RALYL: variants seen among roughly 807,000 people sequenced by gnomAD.
RALYL encodes the protein RNA-binding Raly-like protein.
RALYL carries 29 observed loss-of-function variants against 35.1 expected under a neutral mutation model. That is an observed-to-expected ratio of 0.83 (90% CI 0.61 to 1.13). The LOEUF is 1.13. Ranked by LOEUF, RALYL falls within the 50% of genes most tolerant of loss-of-function variation. The pLI is 0.00. For synonymous variants in RALYL, 120 were observed against 127.6 expected, an observed-to-expected ratio of 0.94 and a Z score of 0.40; for missense variants, 359 against 360.4, an observed-to-expected ratio of 1.00 and a Z score of 0.03.
At chr8:84,239,668 G>T (rs1043988472) in intron 1 of RALYL, among the ~76,000 whole-genome samples, 3 of 152,058 alleles carry the variant, frequency 2.0e-5, no homozygotes, top group Non-Finnish European at 4.4e-5. Flanking sequence ...AGGCGGGCAG[G>T]TCATCTGAGA....
intron 2 of RALYL, among the ~76,000 whole-genome samples, chr8:84,627,816 C>T (rs1436975745): frequency 1.3e-5 from 2 of 151,958 alleles, no homozygotes; most frequent in African/African-American, 4.8e-5. Context: ...CCGTCTGTTT[C>T]CTCTCTCTTC....
chr8:84,430,161 A>C (rs11984749), intron 1 of RALYL, among the ~76,000 whole-genome samples: 46,383 of 151,938 alleles, frequency 0.31, 8,427 homozygotes, highest in South Asian at 0.52. Context: ...TCATATATTA[A>C]ATATATTGGT....
Position 84,862,392 on chromosome 8 carries a change from A to G in RALYL, c.510A>G (p.Lys170=). 1 of 1,607,750 alleles carries G rather than the reference A, an allele frequency of 6.2e-7. No homozygotes were observed. Among genetic ancestry groups the G allele is most frequent in the Non-Finnish European group, 8.5e-7 (1 of 1,177,382 alleles). ...RVAVTTTRRG[K]GVFSMKGGSR... The stretch of plus-strand genomic sequence containing the variant: ...CAGTCACAACGACTCGCAGGGGGAA[A>G]GGAGTCTTTTCCATGAAAGGTGGAT... Residue 170 remains lysine (K), a synonymous_variant, in exon 6 of 9, where the codon AAA becomes AAG. Transcript: ENST00000521268.
chr8:84,530,370 C>T (rs1272270332), intron 2 of RALYL, among the ~76,000 whole-genome samples: 2 of 151,830 alleles, frequency 1.3e-5, no homozygotes, highest in African/African-American at 2.4e-5. Flanking sequence ...CATGGATACT[C>T]AAAAGGCATT....
At chr8:84,199,066 T>C (rs1358822866) in intron 1 of RALYL, among the ~76,000 whole-genome samples, 8 of 152,128 alleles carry the variant, frequency 5.3e-5, no homozygotes, top group Admixed American at 5.2e-4. Context: ...TTGAGGAACC[T>C]CCAAACCGTT....
chr8:84,675,773 C>G (rs532780148), intron 2 of RALYL, among the ~76,000 whole-genome samples: 3 of 152,066 alleles, frequency 2.0e-5, no homozygotes, highest in African/African-American at 7.2e-5. Flanking sequence ...GACGTTAGAT[C>G]GTCTTCTCCA....
chr8:84,882,880 A>AT (rs1409122371), intron 7 of RALYL, among the ~76,000 whole-genome samples: 1 of 152,098 alleles, frequency 6.6e-6, no homozygotes, highest in African/African-American at 2.4e-5. Context: ...ATAATTATTC[A>AT]TAAAAAAAGA....
intron 2 of RALYL, among the ~76,000 whole-genome samples, chr8:84,582,874 C>G (rs912033454): frequency 6.9e-6 from 1 of 144,036 alleles, no homozygotes; most frequent in Non-Finnish European, 1.6e-5. Flanking sequence ...TATGTCTCAT[C>G]ATAATGACCA....
At chr8:84,505,778 G>C (rs2057118813) in intron 1 of RALYL, among the ~76,000 whole-genome samples, 1 of 152,096 alleles carries the variant, frequency 6.6e-6, no homozygotes, top group African/African-American at 2.4e-5. Context: ...TAGCATGCTA[G>C]AAGTTAGAAT....
At chr8:84,848,309 A>G (rs1835070881) in intron 4 of RALYL, among the ~76,000 whole-genome samples, 1 of 152,054 alleles carries the variant, frequency 6.6e-6, no homozygotes, top group Admixed American at 6.6e-5. Flanking sequence ...ATACATATAT[A>G]TCTATAGGGG....
chr8:84,652,014 A>G lies in RALYL; in HGVS notation c.256+122437A>G, dbSNP rs150803799. Among the ~76,000 whole-genome samples, 610 of 152,184 alleles carry G rather than the reference A, an allele frequency of 4.0e-3. 6 individuals are homozygous for G. Among genetic ancestry groups the G allele is most frequent in the African/African-American group, 0.013 (556 of 41,560 alleles). On this transcript the variant is annotated intron_variant, in intron 2 of 8. Coordinates refer to ENST00000521268, the MANE Select transcript of RALYL (RefSeq NM_173848.7). ...AATCCTCACATTTTTATTTGACATGAAAATTGAACATATTATTAAATCCAA... is the reference window on the plus strand; with the variant it reads ...AATCCTCACATTTTTATTTGACATGGAAATTGAACATATTATTAAATCCAA...
chr8:84,238,656 G>T (rs1157091952), intron 1 of RALYL, among the ~76,000 whole-genome samples: 1 of 152,126 alleles, frequency 6.6e-6, no homozygotes, highest in Non-Finnish European at 1.5e-5. Flanking sequence ...AGAAGCAAGG[G>T]GGAAGATAGG....
intron 2 of RALYL, among the ~76,000 whole-genome samples, chr8:84,547,409 G>T (rs1343113033): frequency 1.3e-5 from 2 of 150,190 alleles, no homozygotes; most frequent in African/African-American, 4.9e-5. Context: ...ACGGAGTCTC[G>T]CTCTGTGGCC....
chr8:84,511,424 T>G (rs1363504252), intron 1 of RALYL, among the ~76,000 whole-genome samples: 1 of 152,226 alleles, frequency 6.6e-6, no homozygotes, highest in Non-Finnish European at 1.5e-5. Flanking sequence ...TATTTTTTAT[T>G]TATACATGGT....
intron 4 of RALYL, among the ~76,000 whole-genome samples, chr8:84,826,697 C>T (rs1283692350): frequency 2.0e-5 from 3 of 151,606 alleles, no homozygotes; most frequent in Non-Finnish European, 2.9e-5. Flanking sequence ...GCCCACCAGT[C>T]GATAAGCCCT....
intron 1 of RALYL, among the ~76,000 whole-genome samples, chr8:84,282,884 A>G (rs944980201): frequency 6.6e-6 from 1 of 152,016 alleles, no homozygotes; most frequent in Non-Finnish European, 1.5e-5. Flanking sequence ...TTGACAAAAT[A>G]GAAGAGCGCG....
intron 2 of RALYL, among the ~76,000 whole-genome samples, chr8:84,646,284 C>A (rs1247343404): frequency 2.0e-5 from 3 of 151,554 alleles, no homozygotes; most frequent in Admixed American, 1.3e-4. Context: ...CATTTTGTAA[C>A]TTACTTTTCA....
chr8:84,372,887 T>TTTTTTTTTTTTTGTTTTG (rs1856091504), intron 1 of RALYL, among the ~76,000 whole-genome samples: 1 of 64,580 alleles, frequency 1.5e-5, no homozygotes, highest in Non-Finnish European at 2.9e-5. Context: ...CCAGCATCTG[T>TTTTTTTTTTTTTGTTTTG]TTTTTTTTTT....
At chr8:84,719,566 T>C (rs1843516728) in intron 2 of RALYL, among the ~76,000 whole-genome samples, 1 of 152,160 alleles carries the variant, frequency 6.6e-6, no homozygotes, top group Non-Finnish European at 1.5e-5. Context: ...ATGAAATCCA[T>C]ATTATAATTT....
Sources: allele counts gnomAD v4.1 joint callset (sites outside exome capture counted in the v4.1 genomes callset), GRCh38; gene constraint gnomAD v4.1.1; transcripts MANE v1.5; gene names NCBI Gene and HGNC (gene_info 2026-07-23, HGNC 2026-07-21).